The following SLC39A11 variants were observed in gnomAD, a reference collection of about 807,000 sequenced individuals.
SLC39A11 encodes the protein zinc transporter ZIP11.
A neutral mutation model predicts 36.1 loss-of-function variants in SLC39A11; 33 were observed. The ratio of observed to expected loss-of-function variants is 0.91; its 90% CI spans 0.69 to 1.22. The LOEUF is 1.22. Among genes scored for constraint, SLC39A11 ranks in the 50% most tolerant of loss-of-function variants. The probability of loss-of-function intolerance (pLI) is 0.00; values close to 1 mark genes in which losing one functional copy is unlikely to be tolerated. For synonymous variants in SLC39A11, 166 were observed against 170.3 expected (o/e 0.97, Z 0.20); for missense variants, 432 against 430.3 (o/e 1.00, Z -0.03).
intron 6 of SLC39A11, among the ~76,000 whole-genome samples, chr17:72,757,701 C>T (rs2075410784): frequency 6.6e-6 from 1 of 151,512 alleles, no homozygotes. Flanking sequence ...ACTGGCTCCT[C>T]ATGCGTCATT....
At chr17:72,694,009 C>T (rs73349448) in intron 7 of SLC39A11, among the ~76,000 whole-genome samples, 27 of 152,214 alleles carry the variant, frequency 1.8e-4, no homozygotes, top group African/African-American at 5.8e-4. Flanking sequence ...CTGACTCTCC[C>T]GAGGGGACAG....
intron 7 of SLC39A11, among the ~76,000 whole-genome samples, chr17:72,657,466 C>G (rs1398002270): frequency 6.6e-6 from 1 of 152,198 alleles, no homozygotes; most frequent in Non-Finnish European, 1.5e-5. Context: ...TACAGAAGAT[C>G]ACTTGACTGC....
At chr17:72,913,631 C>T (rs1040087857) in intron 5 of SLC39A11, among the ~76,000 whole-genome samples, 1 of 152,076 alleles carries the variant, frequency 6.6e-6, no homozygotes, top group African/African-American at 2.4e-5. Flanking sequence ...GAGAGCACAG[C>T]AAGTGTATGT....
intron 6 of SLC39A11, among the ~76,000 whole-genome samples, chr17:72,754,057 C>CAT (rs1568035004): frequency 7.6e-4 from 27 of 35,598 alleles, no homozygotes; most frequent in African/African-American, 2.0e-3. Context: ...CACATACACA[C>CAT]ACACACACAC....
At chr17:73,022,788 C>G (rs1233324466) in intron 4 of SLC39A11, among the ~76,000 whole-genome samples, 1 of 152,018 alleles carries the variant, frequency 6.6e-6, no homozygotes, top group Non-Finnish European at 1.5e-5. Flanking sequence ...TTCCAGTTGC[C>G]CCTGGGAATA....
At chr17:72,730,826 A>AT (rs894543322) in intron 7 of SLC39A11, among the ~76,000 whole-genome samples, 1 of 151,978 alleles carries the variant, frequency 6.6e-6, no homozygotes, top group African/African-American at 2.4e-5. Flanking sequence ...TGCCTAGATG[A>AT]TTTTTTTTCT....
chr17:72,679,552 C>A (rs191815419), intron 7 of SLC39A11, among the ~76,000 whole-genome samples: 1 of 152,174 alleles, frequency 6.6e-6, no homozygotes, highest in Admixed American at 6.5e-5. Flanking sequence ...GAGACAGCCG[C>A]GCCCACCTCG....
chr17:72,804,363 G>A (rs1365852449), intron 6 of SLC39A11, among the ~76,000 whole-genome samples: 1 of 152,136 alleles, frequency 6.6e-6, no homozygotes, highest in African/African-American at 2.4e-5. Context: ...ACAGCCAGAG[G>A]AGGATAGAAA....
chr17:72,649,630 C>CTT (rs1478985503), intron 7 of SLC39A11, among the ~76,000 whole-genome samples: 1 of 144,024 alleles, frequency 6.9e-6, no homozygotes, highest in African/African-American at 2.8e-5. Flanking sequence ...GTTTCTTTTT[C>CTT]TTTTTTTCTT....
At chr17:72,798,604 C>A (rs1401350319) in intron 6 of SLC39A11, among the ~76,000 whole-genome samples, 1 of 151,756 alleles carries the variant, frequency 6.6e-6, no homozygotes, top group Non-Finnish European at 1.5e-5. Flanking sequence ...AGGCTGGTCT[C>A]GAAATTCTGA....
chr17:72,714,061 G>A (rs1690752980), intron 7 of SLC39A11, among the ~76,000 whole-genome samples: 1 of 152,202 alleles, frequency 6.6e-6, no homozygotes, highest in South Asian at 2.1e-4. Context: ...TTTTGGCTGG[G>A]TGCAGTGGCT....
At chr17:72,986,640 G>C (rs547470305) in intron 4 of SLC39A11, among the ~76,000 whole-genome samples, 51 of 152,322 alleles carry the variant, frequency 3.3e-4, no homozygotes, top group African/African-American at 1.2e-3. Flanking sequence ...CCCCAACCCA[G>C]ACCTGCCAAA....
At chr17:72,854,918 T>C (rs1324905533) in intron 5 of SLC39A11, among the ~76,000 whole-genome samples, 1 of 152,178 alleles carries the variant, frequency 6.6e-6, no homozygotes, top group African/African-American at 2.4e-5. Flanking sequence ...ACAAAGGACA[T>C]GATTGTGGCC....
chr17:72,866,174 C>T lies in SLC39A11; in HGVS notation c.431-16370G>A, dbSNP rs188001829. On this transcript the variant is annotated intron_variant, in intron 5 of 9. Coordinates refer to ENST00000255559, the MANE Select transcript of SLC39A11 (RefSeq NM_139177.4). ...ACGTTACCACCTAAGCTCCACCTCCCGTCAGATCACCAGTGGCATCAGATT... is the reference window on the plus strand; with the variant it reads ...ACGTTACCACCTAAGCTCCACCTCCTGTCAGATCACCAGTGGCATCAGATT... Among the ~76,000 whole-genome samples, 305 of 152,302 alleles carry T rather than the reference C, an allele frequency of 2.0e-3. 2 individuals carry two copies. Among genetic ancestry groups the T allele is most frequent in the African/African-American group, 6.5e-3 (269 of 41,564 alleles).
At chr17:72,981,022 CAA>C (rs959533291) in intron 4 of SLC39A11, among the ~76,000 whole-genome samples, 10 of 78,298 alleles carry the variant, frequency 1.3e-4, no homozygotes, top group Admixed American at 1.5e-4. Flanking sequence ...GACTCCATCT[CAA>C]AAAAAAAAAA....
At chr17:72,872,336 T>C (rs1310538837) in intron 5 of SLC39A11, among the ~76,000 whole-genome samples, 2 of 151,952 alleles carry the variant, frequency 1.3e-5, no homozygotes, top group Admixed American at 6.6e-5. Flanking sequence ...CCCAGGGGCG[T>C]TGGAAGGTCA....
chr17:72,879,349 G>A (rs751849357), intron 5 of SLC39A11, among the ~76,000 whole-genome samples: 2 of 152,128 alleles, frequency 1.3e-5, no homozygotes, highest in Non-Finnish European at 2.9e-5. Flanking sequence ...CAGCCATCTC[G>A]CTTCCATACA....
chr17:72,922,960 C>CAAAAAAA (rs10645750), intron 5 of SLC39A11, among the ~76,000 whole-genome samples: 78 of 44,060 alleles, frequency 1.8e-3, no homozygotes, highest in East Asian at 3.6e-3. Flanking sequence ...GACTCCTTCT[C>CAAAAAAA]AAAAAAAAAA....
At chr17:72,896,034 T>A (rs948639321) in intron 5 of SLC39A11, among the ~76,000 whole-genome samples, 1 of 151,968 alleles carries the variant, frequency 6.6e-6, no homozygotes, top group African/African-American at 2.4e-5. Context: ...TTAAACTCAA[T>A]AGTCTTCAGG....
Sources: allele counts gnomAD v4.1 joint callset (sites outside exome capture counted in the v4.1 genomes callset), GRCh38; gene constraint gnomAD v4.1.1; transcripts MANE v1.5; gene names NCBI Gene and HGNC (gene_info 2026-07-23, HGNC 2026-07-21).